The following ADCY2 variants were observed in gnomAD, a reference collection of about 807,000 sequenced individuals.
The protein encoded by ADCY2 is adenylate cyclase type 2.
ADCY2 carries 31 observed loss-of-function variants against 125.2 expected under a neutral mutation model. That is an observed-to-expected ratio of 0.25 (90% confidence interval 0.19 to 0.33). The LOEUF (loss-of-function observed/expected upper bound fraction) is 0.33. ADCY2 is among the 10% of genes least tolerant of loss of function. The probability of loss-of-function intolerance (pLI) is 1.00; values close to 1 mark genes in which losing one functional copy is unlikely to be tolerated. For missense variants in ADCY2, 904 were observed against 1,418.2 expected, an observed-to-expected ratio of 0.64 and a Z score of 5.82; for synonymous variants, 512 against 548.4, an observed-to-expected ratio of 0.93 and a Z score of 0.93.
intron 8 of ADCY2, 75 bp from the exon 9 acceptor site, chr5:7,707,631 A>G: frequency 6.5e-7 from 1 of 1,543,334 alleles, no homozygotes; most frequent in South Asian, 1.2e-5. Flanking sequence ...TATTTCAGAA[A>G]TCATGAGCAA....
chr5:7,608,256 A>C lies in ADCY2; in HGVS notation c.571-17911A>C, dbSNP rs1737451933. On this transcript the variant is annotated intron_variant, in intron 3 of 24. Coordinates refer to ENST00000338316, the MANE Select transcript of ADCY2 (RefSeq NM_020546.3). The stretch of plus-strand genomic sequence containing the variant: ...CCTTATCCAAAGATCACCTGTGAGC[A>C]GGGAAATAACACAGTTGGAGGGCTG... 2.0e-5 allele frequency among the ~76,000 whole-genome samples: 3 copies of C among 152,330 alleles called. No homozygotes were observed. In the South Asian group the frequency reaches 6.2e-4, roughly 32 times the overall value.
chr5:7,557,170 TAATCACAC>T, intron 3 of ADCY2, among the ~76,000 whole-genome samples: 1 of 124,818 alleles, frequency 8.0e-6, no homozygotes, highest in African/African-American at 2.6e-5. Flanking sequence ...ATATATATAA[TAATCACAC>T]ATATTATATA....
At chr5:7,671,464 G>A (rs1026984594) in intron 4 of ADCY2, among the ~76,000 whole-genome samples, 3 of 152,276 alleles carry the variant, frequency 2.0e-5, no homozygotes, top group African/African-American at 4.8e-5. Flanking sequence ...ACAGGGAAAC[G>A]GAGGAGGATT....
At chr5:7,776,561 G>A (rs1338083445) in intron 18 of ADCY2, among the ~76,000 whole-genome samples, 1 of 152,174 alleles carries the variant, frequency 6.6e-6, no homozygotes, top group Non-Finnish European at 1.5e-5. Flanking sequence ...GATGGTTAAT[G>A]TTAGATGTCA....
chr5:7,715,364 G>A (rs1353735881), intron 11 of ADCY2, among the ~76,000 whole-genome samples: 1 of 152,162 alleles, frequency 6.6e-6, no homozygotes, highest in African/African-American at 2.4e-5. Context: ...ACATTTTCCT[G>A]TAAGCCTCAA....
In ADCY2 at chr5:7,458,044, C is replaced by G. The variant is rs553499040; in HGVS notation, c.408+43274C>G. Among the ~76,000 whole-genome samples, 258 of 152,242 alleles carry G rather than the reference C, an allele frequency of 1.7e-3. 1 individual carries two copies. Among genetic ancestry groups the G allele is most frequent in the African/African-American group, 6.0e-3 (248 of 41,530 alleles). ...GTATTATTCTAAATGATGACCTGCACACTTTGTGTAGAGGTTTCTTGGTTT... is the reference window on the plus strand; with the variant it reads ...GTATTATTCTAAATGATGACCTGCAGACTTTGTGTAGAGGTTTCTTGGTTT... On this transcript the variant is annotated intron_variant, in intron 2 of 24. Coordinates refer to ENST00000338316, the MANE Select transcript of ADCY2 (RefSeq NM_020546.3).
intron 20 of ADCY2, chr5:7,799,320 A>C (rs1466450276): frequency 6.6e-6 from 1 of 152,278 alleles, no homozygotes; most frequent in Non-Finnish European, 1.5e-5. Context: ...ACCCAATGCA[A>C]CCACATGAGG....
At chr5:7,826,665 G>C (rs1013490172) in intron 24 of ADCY2, 54 bp from the exon 25 acceptor site, 136 of 1,612,134 alleles carry the variant, frequency 8.4e-5, no homozygotes, top group Non-Finnish European at 1.1e-4. Context: ...GAGTCAGATG[G>C]GTTGTATCAA....
intron 15 of ADCY2, among the ~76,000 whole-genome samples, chr5:7,748,195 T>C (rs1160992296): frequency 6.6e-6 from 1 of 152,114 alleles, no homozygotes; most frequent in African/African-American, 2.4e-5. Flanking sequence ...GGGGACCTTC[T>C]CCAGATGGCT....
chr5:7,489,909 T>G (rs376059771), intron 2 of ADCY2, among the ~76,000 whole-genome samples: 3 of 152,186 alleles, frequency 2.0e-5, no homozygotes, highest in African/African-American at 7.2e-5. Context: ...GTGACTGATG[T>G]GGAGACTTGA....
At chr5:7,536,377 G>A (rs1299539668) in intron 3 of ADCY2, among the ~76,000 whole-genome samples, 2 of 152,162 alleles carry the variant, frequency 1.3e-5, no homozygotes, top group African/African-American at 2.4e-5. Context: ...ATGGATCCCA[G>A]CCAAGAACAA....
intron 12 of ADCY2, among the ~76,000 whole-genome samples, chr5:7,722,982 A>AAAAAAAAAAG (rs1278747504): frequency 1.1e-4 from 16 of 148,662 alleles, no homozygotes; most frequent in South Asian, 2.1e-4. Flanking sequence ...AAAAAAAAAA[A>AAAAAAAAAAG]AAAAGCATGT....
At chr5:7,811,129 A>G (rs1004974434) in intron 22 of ADCY2, among the ~76,000 whole-genome samples, 66 of 152,260 alleles carry the variant, frequency 4.3e-4, no homozygotes, top group Middle Eastern at 3.4e-3. Flanking sequence ...CGGAACAGAC[A>G]GGGAGGGGAG....
At chr5:7,499,340 G>A (rs1743462708) in intron 2 of ADCY2, among the ~76,000 whole-genome samples, 2 of 152,182 alleles carry the variant, frequency 1.3e-5, no homozygotes, top group African/African-American at 4.8e-5. Context: ...GCTGGAGGGA[G>A]AGGGGCACAA....
At chr5:7,489,655 G>T (rs1011485357) in intron 2 of ADCY2, among the ~76,000 whole-genome samples, 1 of 152,186 alleles carries the variant, frequency 6.6e-6, no homozygotes, top group East Asian at 1.9e-4. Flanking sequence ...CGAACTGTGA[G>T]TAAATTAAAC....
chr5:7,763,456 C>T (rs1245279135), intron 16 of ADCY2, among the ~76,000 whole-genome samples: 1 of 152,170 alleles, frequency 6.6e-6, no homozygotes, highest in African/African-American at 2.4e-5. Flanking sequence ...AATTTTTAAA[C>T]ATACAATTTA....
chr5:7,491,684 A>G (rs1743170364), intron 2 of ADCY2, among the ~76,000 whole-genome samples: 1 of 152,148 alleles, frequency 6.6e-6, no homozygotes, highest in African/African-American at 2.4e-5. Flanking sequence ...TAAAATCACT[A>G]CTTTATGTAA....
intron 4 of ADCY2, among the ~76,000 whole-genome samples, chr5:7,627,673 T>G (rs1738179597): frequency 6.6e-6 from 1 of 152,250 alleles, no homozygotes; most frequent in Non-Finnish European, 1.5e-5. Context: ...CAAAGTGTAT[T>G]GTGGTAGGAG....
chr5:7,539,783 G>A (rs1734936299), intron 3 of ADCY2, among the ~76,000 whole-genome samples: 1 of 152,198 alleles, frequency 6.6e-6, no homozygotes. Flanking sequence ...GTCAGCAAAT[G>A]GTGTGACTGT....
Sources: gnomAD v4.1 joint callset for allele counts (sites outside exome capture counted in the v4.1 genomes callset) on GRCh38, gnomAD v4.1.1 for gene constraint, MANE v1.5 for transcripts, NCBI Gene and HGNC (gene_info 2026-07-23, HGNC 2026-07-21) for gene names.